The following TRIO variants were observed in gnomAD, a reference collection of about 807,000 sequenced individuals.
TRIO encodes triple functional domain protein.
Under a neutral mutation model 351.9 loss-of-function variants are expected in TRIO, and 58 were observed. The observed-to-expected ratio is 0.16, with a 90% CI of 0.13 to 0.21. The LOEUF (loss-of-function observed/expected upper bound fraction) is 0.21. Ranked by LOEUF, TRIO falls within the 10% of genes least tolerant of loss-of-function variation. The pLI is 1.00. For synonymous variants in TRIO, 1,758 were observed against 1,595.7 expected (o/e 1.10, Z -2.42); for missense variants, 3,201 against 4,027.8 (o/e 0.79, Z 5.56).
chr5:14,340,528 C>T (rs755480217), intron 11 of TRIO, among the ~76,000 whole-genome samples: 20 of 152,254 alleles, frequency 1.3e-4, no homozygotes, highest in Non-Finnish European at 2.9e-4. Context: ...TCCACAGTGG[C>T]TCTCGTCCTC....
chr5:14,470,874 C>T (rs906688580), intron 37 of TRIO, among the ~76,000 whole-genome samples: 1 of 152,152 alleles, frequency 6.6e-6, no homozygotes, highest in Non-Finnish European at 1.5e-5. Flanking sequence ...ACATAGTCCA[C>T]CAACAGGGAA....
At chr5:14,177,858 C>G (rs1020256702) in intron 1 of TRIO, among the ~76,000 whole-genome samples, 5 of 152,174 alleles carry the variant, frequency 3.3e-5, no homozygotes, top group Non-Finnish European at 5.9e-5. Context: ...TTTTCACAGG[C>G]CCATTATTAA....
chr5:14,226,351 G>A (rs968223074), intron 1 of TRIO, among the ~76,000 whole-genome samples: 6 of 152,210 alleles, frequency 3.9e-5, no homozygotes, highest in Admixed American at 2.6e-4. Context: ...TGCTAGCGCA[G>A]CTGTGTTTTT....
intron 1 of TRIO, among the ~76,000 whole-genome samples, chr5:14,152,086 A>T (rs1193487250): frequency 6.6e-6 from 1 of 152,234 alleles, no homozygotes; most frequent in African/African-American, 2.4e-5. Context: ...TTCACACAAT[A>T]AAATCTCTAA....
chr5:14,421,051 C>T (rs555655290), intron 34 of TRIO, among the ~76,000 whole-genome samples: 2 of 151,956 alleles, frequency 1.3e-5, no homozygotes, highest in East Asian at 1.9e-4. Context: ...TGATACTCTC[C>T]GATATTCTTG....
chr5:14,497,122 C>T lies in TRIO; in HGVS notation c.8019+105C>T, dbSNP rs972136865. On this transcript the variant is annotated intron_variant, in intron 50 of 56. Transcript: ENST00000344204. This position sits in a 1 kb window ranked among gnomAD's most constrained non-coding sequence, Gnocchi z 4.4. The stretch of plus-strand genomic sequence containing the variant: ...TGAAGCTGGGCTTGCTTATGACCTC[C>T]CTCCCACCCACCAGCCCCGTGCCCT... 2.7e-6 allele frequency: 4 copies of T among 1,486,446 alleles called. No homozygotes were observed. Among genetic ancestry groups the T allele is most frequent in the South Asian group, 2.7e-5 (2 of 74,082 alleles). The allele number at this position is 1,486,446 out of a possible 1,614,324, so 92.1% of individuals were successfully genotyped here.
chr5:14,365,251 T>C (rs1344145196), intron 15 of TRIO, among the ~76,000 whole-genome samples: 1 of 152,230 alleles, frequency 6.6e-6, no homozygotes, highest in African/African-American at 2.4e-5. Flanking sequence ...CCTGATGGCA[T>C]GACAAAGTGA....
chr5:14,423,874 C>T lies in TRIO; in HGVS notation c.5203+3853C>T, dbSNP rs147661562. Among the ~76,000 whole-genome samples, 1,451 of 151,764 alleles carry T rather than the reference C, an allele frequency of 9.6e-3. 24 individuals carry two copies. Among genetic ancestry groups the T allele is most frequent in the African/African-American group, 0.034 (1,385 of 41,266 alleles). On this transcript the variant is annotated intron_variant, in intron 34 of 56. Transcript: ENST00000344204. ...TGTCCCGCACTACTGCTGCCCAGAG[C>T]CTTTGCCATTCGAAGTTGAATCTGG...
At chr5:14,267,962 C>T (rs1239424444) in intron 1 of TRIO, among the ~76,000 whole-genome samples, 1 of 152,182 alleles carries the variant, frequency 6.6e-6, no homozygotes, top group African/African-American at 2.4e-5. Context: ...TATAGTTAAA[C>T]TGGTTAGAAT....
chr5:14,324,142 T>G (rs1182761278), intron 9 of TRIO, among the ~76,000 whole-genome samples: 1 of 152,190 alleles, frequency 6.6e-6, no homozygotes, highest in Non-Finnish European at 1.5e-5. Flanking sequence ...GGAACCAGGT[T>G]GTTAATTTTG....
chr5:14,396,890 G>A (rs1400598525), intron 28 of TRIO, among the ~76,000 whole-genome samples, 153 bp from the exon 29 acceptor site: 3 of 152,170 alleles, frequency 2.0e-5, no homozygotes, highest in Non-Finnish European at 4.4e-5. Context: ...TGAATAAAGA[G>A]GTAGTAGTTT....
rs577801936 is a variant in TRIO at position 14,499,099 on chromosome 5, G to A, written c.8332+459G>A. ...AGGAAAGGAGATGTGGGTGAGTCCCGGGCCTGCGCAGGCCCTGTGCCTGTC... is the reference window on the plus strand; with the variant it reads ...AGGAAAGGAGATGTGGGTGAGTCCCAGGCCTGCGCAGGCCCTGTGCCTGTC... On this transcript the variant is annotated intron_variant, in intron 53 of 56. Coordinates refer to ENST00000344204, the MANE Select transcript of TRIO (RefSeq NM_007118.4). 262 of 161,034 alleles carry A rather than the reference G, an allele frequency of 1.6e-3. 1 individual carries two copies. Among genetic ancestry groups the A allele is most frequent in the Non-Finnish European group, 2.9e-3 (210 of 72,688 alleles). 10.0% of individuals were successfully genotyped at this position (161,034 alleles called of 1,614,324 possible).
chr5:14,496,934 G>A lies in TRIO; in HGVS notation c.7936G>A (p.Asp2646Asn), dbSNP rs527326999. 1 of 1,614,166 alleles carries A rather than the reference G, an allele frequency of 6.2e-7. No homozygotes were observed. Among genetic ancestry groups the A allele is most frequent in the Non-Finnish European group, 8.5e-7 (1 of 1,180,028 alleles). The change falls in exon 50 of 57, where the codon GAT becomes AAT. Residue 2646 changes from aspartate to asparagine, a missense_variant. Physicochemically the swap from Asp to Asn is conservative, Grantham distance 23 (BLOSUM62 1). Coordinates refer to ENST00000344204, the MANE Select transcript of TRIO (RefSeq NM_007118.4). ...TTTAAGGAAAAAATCTGAGAAAAAA[G>A]ATAAAGACGGCAAAAGGGAAGGCAA... is the stretch of plus-strand genomic sequence containing the variant. ...LRLRKKSEKKDKDGKREGKLE... is the reference protein window; with the variant it reads ...LRLRKKSEKKNKDGKREGKLE...
intron 1 of TRIO, among the ~76,000 whole-genome samples, chr5:14,191,930 T>C (rs1408653034): frequency 6.6e-6 from 1 of 152,226 alleles, no homozygotes; most frequent in Non-Finnish European, 1.5e-5. Flanking sequence ...TTGTTTAATG[T>C]TTTCTATTTT....
rs758315644 is a variant in TRIO, at chr5:14,387,821, G to A, written c.3855G>A (p.Glu1285=). Residue 1285 remains glutamate (E), a synonymous_variant, in exon 23 of 57, where the codon GAG becomes GAA. Transcript: ENST00000344204. ...ATGCTGCTCATGAACTTAATGAAGA[G>A]AAGCGGAAATCTGCCCGCAGGAAAG... ...LRDAAHELNE[E]KRKSARRKEF... The A allele has an allele frequency of 1.9e-6, 3 of 1,614,156 alleles. No homozygotes were observed. Among genetic ancestry groups the A allele is most frequent in the Admixed American group, 1.7e-5 (1 of 60,030 alleles).
At chr5:14,379,014 G>A (rs780421696) in intron 20 of TRIO, among the ~76,000 whole-genome samples, 16 of 152,116 alleles carry the variant, frequency 1.1e-4, no homozygotes, top group South Asian at 2.1e-4. Context: ...ATCTGACCCC[G>A]TCTTAAATAT....
chr5:14,455,465 C>T (rs909000043), intron 34 of TRIO, among the ~76,000 whole-genome samples: 2 of 152,106 alleles, frequency 1.3e-5, no homozygotes, highest in Non-Finnish European at 2.9e-5. Flanking sequence ...AAGCTAGACA[C>T]AGGGTGCTGA....
intron 1 of TRIO, among the ~76,000 whole-genome samples, chr5:14,180,100 C>CAA (rs70964542): frequency 0.075 from 2,074 of 27,694 alleles, 475 homozygotes; most frequent in African/African-American, 0.18. Flanking sequence ...GACTCCTGCT[C>CAA]AAAAAAAAAA....
chr5:14,440,751 C>T (rs1295763084), intron 34 of TRIO: 1 of 152,132 alleles, frequency 6.6e-6, no homozygotes, highest in Non-Finnish European at 1.5e-5. Context: ...GTGTGAGTCT[C>T]AGGGCGGACC....
Sources: allele counts gnomAD v4.1 joint callset (sites outside exome capture counted in the v4.1 genomes callset), GRCh38; gene constraint gnomAD v4.1.1; non-coding constraint Gnocchi (gnomAD v3.1); transcripts MANE v1.5; gene names NCBI Gene and HGNC (gene_info 2026-07-23, HGNC 2026-07-21).